The following SHB variants were observed in gnomAD, a reference collection of about 807,000 sequenced individuals.
SHB encodes SH2 domain-containing adapter protein B.
A neutral mutation model predicts 52.3 loss-of-function variants in SHB; 20 were observed. The ratio of observed to expected loss-of-function variants is 0.38; its 90% CI spans 0.27 to 0.56. The LOEUF (loss-of-function observed/expected upper bound fraction) is 0.56. SHB is among the 20% of genes least tolerant of loss of function. The pLI is 0.71. For missense variants in SHB, 825 were observed against 723.3 expected (o/e 1.14, Z -1.61); for synonymous variants, 397 against 316.5 (o/e 1.25, Z -2.70).
At position 38,068,040 on chromosome 9, in the gene SHB, G is replaced by A. The variant is rs1821994574; in HGVS notation, c.606C>T (p.Gly202=). Residue 202 remains glycine, a synonymous_variant, in exon 1 of 6, where the codon GGC becomes GGT. Transcript: ENST00000377707. ...AGGGAGDPLG[G]ACAGGRTWSP... The stretch of plus-strand genomic sequence containing the variant: ...TCCAGGTGCGGCCGCCCGCGCAGGC[G>A]CCCCCCAGGGGGTCCCCGGCCCCAC... 2 of 1,505,584 alleles carry A rather than the reference G, an allele frequency of 1.3e-6. No homozygotes were observed. Among genetic ancestry groups the A allele is most frequent in the Admixed American group, 4.4e-5 (2 of 45,534 alleles). 93.3% of individuals were successfully genotyped at this position (1,505,584 alleles called of 1,614,324 possible). A position where few individuals can be genotyped will look rare whatever the true frequency, so the allele number is the denominator to read the frequency against.
chr9:38,022,910 A>C (rs576664928), intron 1 of SHB, among the ~76,000 whole-genome samples: 1 of 152,340 alleles, frequency 6.6e-6, no homozygotes, highest in South Asian at 2.1e-4. Flanking sequence ...AGAGGCTCTA[A>C]GATGGGCTTC....
chr9:38,011,391 C>T (rs972989305), intron 2 of SHB, among the ~76,000 whole-genome samples: 3 of 152,094 alleles, frequency 2.0e-5, no homozygotes, highest in Non-Finnish European at 2.9e-5. Context: ...TCTTGAGAGA[C>T]GAGTCAAGGA....
At chr9:37,951,152 T>C (rs1007174965) in intron 4 of SHB, among the ~76,000 whole-genome samples, 6 of 152,134 alleles carry the variant, frequency 3.9e-5, no homozygotes, top group Admixed American at 3.3e-4. Flanking sequence ...GGAGAGTAAA[T>C]GTGAGTGTCC....
chr9:38,038,546 G>A (rs1359234562), intron 1 of SHB, among the ~76,000 whole-genome samples: 1 of 152,190 alleles, frequency 6.6e-6, no homozygotes, highest in Non-Finnish European at 1.5e-5. Flanking sequence ...CTGAGTAGAT[G>A]AATAAATGTA....
intron 1 of SHB, among the ~76,000 whole-genome samples, chr9:38,032,217 C>T (rs1054482348): frequency 3.3e-5 from 5 of 152,198 alleles, no homozygotes; most frequent in African/African-American, 9.6e-5. Context: ...TGTGCTTTCA[C>T]GTACATCATC....
At chr9:37,981,566 T>C (rs866708529) in intron 2 of SHB, among the ~76,000 whole-genome samples, 16 of 100,384 alleles carry the variant, frequency 1.6e-4, no homozygotes, top group Middle Eastern at 9.0e-3. Flanking sequence ...ACACTTTTAA[T>C]TTTCTTCAAC....
In SHB at chr9:38,068,109, G is replaced by C. The variant is rs752056534; in HGVS notation, c.537C>G (p.Ile179Met). 3.9e-5 allele frequency: 57 copies of C among 1,474,186 alleles called. No homozygotes were observed. Among genetic ancestry groups the C allele is most frequent in the Non-Finnish European group, 5.0e-5 (56 of 1,124,810 alleles). The allele number at this position is 1,474,186 out of a possible 1,614,324, so 91.3% of individuals were successfully genotyped here. A position where few individuals can be genotyped will look rare whatever the true frequency, so the allele number is the denominator to read the frequency against. Reference protein sequence around the residue: ...RPATPAEVRYISPKHRLIKVE... With the variant: ...RPATPAEVRYMSPKHRLIKVE... The stretch of plus-strand genomic sequence containing the variant: ...CTTTGATGAGGCGGTGCTTGGGGGA[G>C]ATGTAGCGCACCTCGGCCGGCGTGG... Residue 179 changes from isoleucine (I) to methionine (M), a missense_variant, in exon 1 of 6, where the codon ATC becomes ATG. Physicochemically the swap from Ile to Met is conservative, Grantham distance 10. Transcript: ENST00000377707.
intron 1 of SHB, among the ~76,000 whole-genome samples, chr9:38,022,014 T>C (rs560059635): frequency 6.6e-6 from 1 of 152,348 alleles, no homozygotes; most frequent in South Asian, 2.1e-4. Context: ...CCTTGACTTC[T>C]GCTCTATGCC....
chr9:38,055,881 G>A, intron 1 of SHB, among the ~76,000 whole-genome samples: 1 of 151,986 alleles, frequency 6.6e-6, no homozygotes. Context: ...AGAGGAGGAT[G>A]CCGACTCCAC....
intron 4 of SHB, among the ~76,000 whole-genome samples, chr9:37,952,991 C>T (rs187040861): frequency 6.6e-6 from 1 of 152,056 alleles, no homozygotes; most frequent in East Asian, 1.9e-4. Context: ...GGAGAGACAA[C>T]CCAGGGAGAG....
At position 37,917,779 on chromosome 9, in the gene SHB, A is replaced by G. The variant is rs1832119782; in HGVS notation, c.*2042T>C. Among the ~76,000 whole-genome samples the G allele has an allele frequency of 1.3e-5, 2 of 152,362 alleles. No individual in the cohort carries two copies. The highest frequency in any genetic ancestry group is 3.4e-3 in the Middle Eastern group (1 of 294). On this transcript the variant is annotated 3_prime_UTR_variant, in exon 6 of 6. Transcript: ENST00000377707. ...TAGGAAATGCCAAACAGGCAAGGAA[A>G]GGATTGGCTTCTTTAAGAGATTAAA... is the stretch of plus-strand genomic sequence containing the variant.
At chr9:38,000,578 C>T (rs779638480) in intron 2 of SHB, among the ~76,000 whole-genome samples, 10 of 152,212 alleles carry the variant, frequency 6.6e-5, no homozygotes, top group Non-Finnish European at 1.5e-4. Flanking sequence ...TCCCAGGTGG[C>T]GCTGTTCCGA....
intron 2 of SHB, among the ~76,000 whole-genome samples, chr9:38,001,461 C>T (rs1821011977): frequency 1.3e-5 from 2 of 152,254 alleles, no homozygotes; most frequent in South Asian, 4.1e-4. Context: ...TTTCCTCACC[C>T]TGAATGGGAA....
chr9:37,950,465 A>G (rs761875465), intron 4 of SHB, among the ~76,000 whole-genome samples: 5 of 152,116 alleles, frequency 3.3e-5, no homozygotes, highest in African/African-American at 4.8e-5. Context: ...TGACGGTAAA[A>G]CTGCAGGGAA....
At chr9:38,034,272 G>A (rs1467006636) in intron 1 of SHB, among the ~76,000 whole-genome samples, 1 of 152,216 alleles carries the variant, frequency 6.6e-6, no homozygotes, top group Non-Finnish European at 1.5e-5. Context: ...TCCACTGCCT[G>A]GGACCTTTAC....
intron 2 of SHB, among the ~76,000 whole-genome samples, chr9:38,000,428 T>C (rs1437955771): frequency 6.6e-6 from 1 of 152,180 alleles, no homozygotes; most frequent in Admixed American, 6.5e-5. Flanking sequence ...ATGTTGACCA[T>C]GGTACCAACT....
chr9:37,933,549 A>G (rs1296043115), intron 5 of SHB, among the ~76,000 whole-genome samples: 1 of 152,186 alleles, frequency 6.6e-6, no homozygotes, highest in African/African-American at 2.4e-5. Context: ...CAGTACCCAG[A>G]GACTTACTTG....
chr9:37,933,891 G>C (rs373964300), intron 5 of SHB, among the ~76,000 whole-genome samples: 25 of 152,354 alleles, frequency 1.6e-4, no homozygotes, highest in African/African-American at 5.3e-4. Flanking sequence ...CAAGGCCACT[G>C]CTTCTGCCCT....
rs896964871 is a variant in SHB, at chr9:38,017,529, C to T, written c.718-1398G>A. Among the ~76,000 whole-genome samples the T allele has an allele frequency of 9.9e-5, 15 of 152,228 alleles. No homozygotes were observed. In the South Asian group the frequency reaches 1.0e-3, roughly 10 times the overall value. On this transcript the variant is annotated intron_variant, in intron 1 of 5. Coordinates refer to ENST00000377707, the MANE Select transcript of SHB (RefSeq NM_003028.3). Reference sequence around the variant, plus strand: ...GTGATGCCCGGAAAGGGACAGCAGGCGGCAGCTCTGTCCCTGGCAAGTGGC... The same window carrying T: ...GTGATGCCCGGAAAGGGACAGCAGGTGGCAGCTCTGTCCCTGGCAAGTGGC...
Sources: gnomAD v4.1 joint callset for allele counts (sites outside exome capture counted in the v4.1 genomes callset) on GRCh38, gnomAD v4.1.1 for gene constraint, MANE v1.5 for transcripts, NCBI Gene and HGNC (gene_info 2026-07-23, HGNC 2026-07-21) for gene names.